CNBD1: variants seen among roughly 807,000 people sequenced by gnomAD.
The protein encoded by CNBD1 is cyclic nucleotide binding domain containing 1.
Under a neutral mutation model 54.4 loss-of-function variants are expected in CNBD1, and 71 were observed. That is an observed-to-expected ratio of 1.30 (90% CI 1.08 to 1.59). The LOEUF (loss-of-function observed/expected upper bound fraction) is 1.59, where lower values mean the gene tolerates loss of function less well. CNBD1 is among the 40% of genes most tolerant of loss of function. CNBD1 has a pLI of 0.00. For missense variants in CNBD1, 659 were observed against 518.0 expected, an observed-to-expected ratio of 1.27 and a Z score of -2.64; for synonymous variants, 182 against 170.7, an observed-to-expected ratio of 1.07 and a Z score of -0.51.
intron 2 of CNBD1, among the ~76,000 whole-genome samples, chr8:87,421,586 C>T (rs1012337933): frequency 6.6e-6 from 1 of 151,998 alleles, no homozygotes; most frequent in East Asian, 1.9e-4. Context: ...TCATCCATGT[C>T]CCTACAAAGG....
At chr8:87,268,989 T>A (rs1403191771) in intron 6 of CNBD1, among the ~76,000 whole-genome samples, 1 of 152,122 alleles carries the variant, frequency 6.6e-6, no homozygotes, top group Non-Finnish European at 1.5e-5. Context: ...AGTTATAAAT[T>A]ATTTGCCATG....
chr8:87,341,176 T>A lies in CNBD1; in HGVS notation c.1043-10509T>A, dbSNP rs544330859. Among the ~76,000 whole-genome samples the A allele has an allele frequency of 5.9e-5, 9 of 152,248 alleles. No homozygotes were observed. In the East Asian group the frequency reaches 1.7e-3, roughly 30 times the overall value. Reference sequence around the variant, plus strand: ...ATTTTTGGTTTTTCCCCTTAGGCACTCATAACCTCTTGCTCTCCCTAGTGT... The same window carrying A: ...ATTTTTGGTTTTTCCCCTTAGGCACACATAACCTCTTGCTCTCCCTAGTGT... On this transcript the variant is annotated intron_variant, in intron 8 of 10. Coordinates refer to ENST00000518476, the MANE Select transcript of CNBD1 (RefSeq NM_173538.3).
chr8:86,960,929 G>A (rs1303144196), intron 4 of CNBD1, among the ~76,000 whole-genome samples: 2 of 152,192 alleles, frequency 1.3e-5, no homozygotes, highest in Admixed American at 1.3e-4. Context: ...GGTCCTGACT[G>A]TTAGAAGGAA....
chr8:87,321,264 A>G (rs915185958), intron 8 of CNBD1, among the ~76,000 whole-genome samples: 3 of 152,220 alleles, frequency 2.0e-5, no homozygotes, highest in African/African-American at 4.8e-5. Context: ...ACTGTTTTCC[A>G]TAATAGCTGC....
At chr8:87,008,999 A>G (rs888660003) in intron 4 of CNBD1, among the ~76,000 whole-genome samples, 115 of 152,072 alleles carry the variant, frequency 7.6e-4, no homozygotes, top group African/African-American at 2.5e-3. Context: ...AATTTTTCAT[A>G]TAACTATTGG....
At chr8:87,401,992 A>C (rs922701936) in intron 2 of CNBD1, among the ~76,000 whole-genome samples, 2 of 152,044 alleles carry the variant, frequency 1.3e-5, no homozygotes, top group Non-Finnish European at 2.9e-5. Flanking sequence ...TGTTATGAAG[A>C]AATATCCAAG....
intron 4 of CNBD1, among the ~76,000 whole-genome samples, chr8:86,970,618 TGTA>T (rs940376032): frequency 1.5e-4 from 22 of 150,714 alleles, no homozygotes; most frequent in African/African-American, 4.8e-4. Flanking sequence ...CCCTCCCACC[TGTA>T]GTAGTCCACA....
chr8:86,877,426 C>A (rs572905017), intron 1 of CNBD1, among the ~76,000 whole-genome samples: 38 of 152,226 alleles, frequency 2.5e-4, no homozygotes, highest in South Asian at 4.1e-4. Context: ...CAAATAATAT[C>A]TCTGAGGTTT....
chr8:87,215,257 T>G (rs954333259), intron 5 of CNBD1, among the ~76,000 whole-genome samples: 1 of 152,134 alleles, frequency 6.6e-6, no homozygotes, highest in African/African-American at 2.4e-5. Flanking sequence ...TGCTTTTATA[T>G]GAAATCTCCA....
At chr8:87,397,864 T>C (rs911356635) in intron 2 of CNBD1, among the ~76,000 whole-genome samples, 6 of 152,098 alleles carry the variant, frequency 3.9e-5, no homozygotes, top group Middle Eastern at 3.4e-3. Context: ...AGTGAATGGG[T>C]CTCACAGATG....
intron 2 of CNBD1, among the ~76,000 whole-genome samples, chr8:87,424,278 A>T (rs1186406264): frequency 2.0e-5 from 3 of 151,554 alleles, no homozygotes; most frequent in Non-Finnish European, 2.9e-5. Context: ...TATTTCCTTC[A>T]GTTCTGCTCT....
chr8:86,908,236 A>G (rs559785224), intron 3 of CNBD1, among the ~76,000 whole-genome samples: 10 of 152,366 alleles, frequency 6.6e-5, no homozygotes, highest in East Asian at 1.9e-4. Flanking sequence ...GAAGAATAGG[A>G]TAAGAAGATG....
chr8:87,259,402 T>C (rs1808089963), intron 6 of CNBD1, among the ~76,000 whole-genome samples: 1 of 152,212 alleles, frequency 6.6e-6, no homozygotes, highest in Admixed American at 6.6e-5. Flanking sequence ...TTTATGACCT[T>C]AAAGCATTTA....
At chr8:87,313,395 G>T (rs1337810337) in intron 8 of CNBD1, among the ~76,000 whole-genome samples, 3 of 151,998 alleles carry the variant, frequency 2.0e-5, no homozygotes, top group Non-Finnish European at 4.4e-5. Context: ...ACAATTTTAT[G>T]TGCTTAAGCA....
At chr8:86,994,106 G>T (rs146484818) in intron 4 of CNBD1, among the ~76,000 whole-genome samples, 4 of 152,290 alleles carry the variant, frequency 2.6e-5, no homozygotes, top group Non-Finnish European at 5.9e-5. Flanking sequence ...TCTGACAGTG[G>T]AGGCTCCTCC....
At chr8:87,300,490 G>A (rs1033579152) in intron 8 of CNBD1, among the ~76,000 whole-genome samples, 2 of 152,070 alleles carry the variant, frequency 1.3e-5, no homozygotes, top group African/African-American at 2.4e-5. Context: ...CTTCTAAGAA[G>A]CTAAAATTTT....
At position 87,408,886 on chromosome 8, in the gene CNBD1, T is replaced by C. The variant is rs191079388; in HGVS notation, c.214-19660T>C. On this transcript the variant is annotated intron_variant, in intron 2 of 7. Coordinates refer to the CNBD1 transcript ENST00000521593. ...CATATAAGACTGCAAACCTAATCAA[T>C]AAATGTATGTGTTTTGACTCCCTCA... Among the ~76,000 whole-genome samples the C allele has an allele frequency of 2.0e-5, 3 of 152,194 alleles. No individual in the cohort carries two copies. The East Asian group carries it at 5.8e-4, about 30-fold the overall frequency.
At chr8:87,154,174 A>AT (rs1195816343) in intron 4 of CNBD1, among the ~76,000 whole-genome samples, 3 of 152,166 alleles carry the variant, frequency 2.0e-5, no homozygotes, top group Non-Finnish European at 4.4e-5. Flanking sequence ...AAAAAGAACG[A>AT]TTTTTTAACC....
At chr8:87,160,211 C>G (rs1261778070) in intron 4 of CNBD1, among the ~76,000 whole-genome samples, 3 of 151,830 alleles carry the variant, frequency 2.0e-5, no homozygotes, top group African/African-American at 7.2e-5. Flanking sequence ...CTTATAAGAA[C>G]AAATTCTTAT....
Sources: gnomAD v4.1 joint callset for allele counts (sites outside exome capture counted in the v4.1 genomes callset) on GRCh38, gnomAD v4.1.1 for gene constraint, MANE v1.5 for transcripts, NCBI Gene and HGNC (gene_info 2026-07-23, HGNC 2026-07-21) for gene names.